Variants in SDK1 observed in about 807,000 individuals in gnomAD.
SDK1 encodes the protein protein sidekick-1.
Under a neutral mutation model 245.5 loss-of-function variants are expected in SDK1, and 157 were observed. That is an observed-to-expected ratio of 0.64 (90% CI 0.56 to 0.73). The LOEUF is 0.73. SDK1 is among the 30% of genes least tolerant of loss of function. The pLI, the probability that SDK1 is intolerant of heterozygous loss-of-function variation, is 0.00. For missense variants in SDK1, 3,583 were observed against 3,002.3 expected (o/e 1.19, Z -4.52); for synonymous variants, 1,647 against 1,278.5 (o/e 1.29, Z -6.15).
In SDK1 at chr7:4,245,798, A is replaced by T. The variant is rs773380724; in HGVS notation, c.6374A>T (p.Glu2125Val). 1.2e-6 allele frequency: 2 copies of T among 1,613,664 alleles called. No homozygotes were observed. The highest frequency in any genetic ancestry group is 4.5e-5 in the East Asian group (2 of 44,846). Residue 2125 changes from glutamate to valine, a missense_variant, in exon 44 of 45, where the codon GAA (glutamate) becomes GTA (valine). Transcript: ENST00000404826. ...SLKEKSADAS[E>V]SEATDSDYED... is the part of the protein sequence containing the mutation. ...AAGGAGAAGTCGGCAGATGCATCAG[A>T]ATCTGAGGTCAGTGTCGGTGCCTAC...
chr7:3,859,728 G>T (rs1040566197), intron 5 of SDK1, among the ~76,000 whole-genome samples: 1 of 152,002 alleles, frequency 6.6e-6, no homozygotes, highest in Non-Finnish European at 1.5e-5. Flanking sequence ...TGATTTTCAG[G>T]GGTTAAGTCA....
At chr7:4,120,301 A>C (rs2128194043) in intron 25 of SDK1, among the ~76,000 whole-genome samples, 1 of 149,254 alleles carries the variant, frequency 6.7e-6, no homozygotes, top group African/African-American at 2.4e-5. Context: ...AGTAAATAAA[A>C]CTGAATTCAT....
At chr7:3,431,476 G>T (rs1779846319) in intron 1 of SDK1, among the ~76,000 whole-genome samples, 1 of 150,424 alleles carries the variant, frequency 6.6e-6, no homozygotes, top group Admixed American at 6.7e-5. Context: ...TGGTCTATGA[G>T]TAAGGCTCTG....
chr7:4,012,195 G>A lies in SDK1; in HGVS notation c.2380G>A (p.Glu794Lys). 1 of 1,569,370 alleles carries A rather than the reference G, an allele frequency of 6.4e-7. No homozygotes were observed. Among genetic ancestry groups the A allele is most frequent in the Non-Finnish European group, 8.6e-7 (1 of 1,158,852 alleles). ...SIMVQWQPPPETEHNGVLRGY... is the reference protein window; with the variant it reads ...SIMVQWQPPPKTEHNGVLRGY... ...TATGGTCCAGTGGCAGCCACCCCCA[G>A]AAACAGAGCACAACGGGGTGTTGCG... is the stretch of plus-strand genomic sequence containing the variant. The change falls in exon 16 of 45, where the codon GAA (glutamate) becomes AAA (lysine). Residue 794 changes from glutamate to lysine, a missense_variant. Physicochemically the swap from Glu to Lys is moderately conservative, Grantham distance 56 (BLOSUM62 1). Coordinates refer to ENST00000404826, the MANE Select transcript of SDK1 (RefSeq NM_152744.4).
chr7:4,017,591 G>A (rs1786516041), intron 17 of SDK1, among the ~76,000 whole-genome samples: 1 of 152,134 alleles, frequency 6.6e-6, no homozygotes, highest in African/African-American at 2.4e-5. Flanking sequence ...GGAAGTTTCT[G>A]TACACGCCTT....
chr7:3,462,884 A>G (rs888158789), intron 1 of SDK1, among the ~76,000 whole-genome samples: 1 of 152,136 alleles, frequency 6.6e-6, no homozygotes, highest in East Asian at 1.9e-4. Context: ...AAGTGATATC[A>G]TGTTACCCCC....
At chr7:3,514,540 C>G (rs901450015) in intron 1 of SDK1, among the ~76,000 whole-genome samples, 1 of 152,150 alleles carries the variant, frequency 6.6e-6, no homozygotes, top group African/African-American at 2.4e-5. Context: ...TTGTCAGTCA[C>G]TGCTCGCCAT....
chr7:3,420,548 A>G (rs1340491042), intron 1 of SDK1, among the ~76,000 whole-genome samples: 3 of 152,142 alleles, frequency 2.0e-5, no homozygotes, highest in Non-Finnish European at 4.4e-5. Flanking sequence ...AGTCGTGCTA[A>G]TCTTTTAGGG....
chr7:3,564,795 T>C (rs974874579), intron 1 of SDK1, among the ~76,000 whole-genome samples: 6 of 152,098 alleles, frequency 3.9e-5, no homozygotes, highest in Non-Finnish European at 5.9e-5. Context: ...GTTGGTTCTT[T>C]TATGAACTAA....
chr7:4,050,939 C>T (rs1385618553), intron 18 of SDK1, among the ~76,000 whole-genome samples: 1 of 138,188 alleles, frequency 7.2e-6, no homozygotes, highest in Non-Finnish European at 1.5e-5. Context: ...TACATACATA[C>T]TATACGTATA....
intron 4 of SDK1, among the ~76,000 whole-genome samples, chr7:3,670,782 A>G (rs1400075286): frequency 1.3e-5 from 2 of 152,166 alleles, no homozygotes; most frequent in East Asian, 1.9e-4. Context: ...CTCAGGACAG[A>G]CCCAGTTTAT....
chr7:3,831,162 A>G (rs1384927871), intron 5 of SDK1, among the ~76,000 whole-genome samples: 1 of 152,198 alleles, frequency 6.6e-6, no homozygotes, highest in African/African-American at 2.4e-5. Flanking sequence ...TTGTCTGGAA[A>G]AATCCTAAGC....
intron 1 of SDK1, among the ~76,000 whole-genome samples, chr7:3,479,774 A>C (rs1004827733): frequency 2.6e-5 from 4 of 151,650 alleles, no homozygotes; most frequent in African/African-American, 7.3e-5. Flanking sequence ...AGGCAGGAGA[A>C]TTGCTTGAAA....
intron 4 of SDK1, among the ~76,000 whole-genome samples, chr7:3,812,390 C>G (rs1381887934): frequency 6.6e-6 from 1 of 152,150 alleles, no homozygotes; most frequent in Non-Finnish European, 1.5e-5. Flanking sequence ...TATTTCAAAT[C>G]CAAAGGATTT....
intron 1 of SDK1, among the ~76,000 whole-genome samples, chr7:3,522,329 T>C (rs1268357915): frequency 6.6e-6 from 1 of 152,176 alleles, no homozygotes; most frequent in Non-Finnish European, 1.5e-5. Flanking sequence ...GAAGTGATTA[T>C]ATGAGGATCA....
intron 1 of SDK1, among the ~76,000 whole-genome samples, chr7:3,335,291 T>A (rs1282601481): frequency 1.3e-5 from 2 of 151,712 alleles, no homozygotes; most frequent in Non-Finnish European, 2.9e-5. Context: ...CCAGTTATCT[T>A]TCTTTATTTA....
chr7:4,060,598 T>C (rs964078810), intron 19 of SDK1, among the ~76,000 whole-genome samples: 11 of 152,122 alleles, frequency 7.2e-5, no homozygotes, highest in African/African-American at 2.2e-4. Context: ...GGTTGCCTGT[T>C]CACTCTGATG....
At chr7:3,632,918 C>G (rs780132350) in intron 2 of SDK1, among the ~76,000 whole-genome samples, 2 of 152,112 alleles carry the variant, frequency 1.3e-5, no homozygotes, top group Non-Finnish European at 2.9e-5. Flanking sequence ...AGAAAACCTG[C>G]TATAGACTCA....
At chr7:3,599,462 G>A (rs990663000) in intron 1 of SDK1, among the ~76,000 whole-genome samples, 4 of 152,268 alleles carry the variant, frequency 2.6e-5, no homozygotes, top group East Asian at 1.9e-4. Flanking sequence ...AGAGCAGAAG[G>A]TTTTAATATT....
Sources: allele counts gnomAD v4.1 joint callset (sites outside exome capture counted in the v4.1 genomes callset), GRCh38; gene constraint gnomAD v4.1.1; transcripts MANE v1.5; gene names NCBI Gene and HGNC (gene_info 2026-07-23, HGNC 2026-07-21).